Variants in ZNF275 observed in about 807,000 individuals in gnomAD.
ZNF275 encodes the protein zinc finger protein 275.
A neutral mutation model predicts 4.3 loss-of-function variants in ZNF275; 4 were observed. That is an observed-to-expected ratio of 0.93 (90% CI 0.46 to 2.13). The LOEUF (loss-of-function observed/expected upper bound fraction) is 2.13, where lower values mean the gene tolerates loss of function less well. Ranked by LOEUF, ZNF275 falls within the 30% of genes most tolerant of loss-of-function variation. The pLI is 0.02. For missense variants in ZNF275, 352 were observed against 397.1 expected (o/e 0.89, Z 0.97); for synonymous variants, 173 against 166.9 (o/e 1.04, Z -0.28).
intron 2 of ZNF275, among the ~76,000 whole-genome samples, chrX:153,342,492 T>A (rs1246886150): frequency 8.9e-6 from 1 of 112,056 alleles, no homozygotes; most frequent in East Asian, 2.8e-4. Flanking sequence ...AAAGATTATA[T>A]TATTGAGTGT....
At chrX:153,344,647 G>T (rs376137626) in intron 2 of ZNF275, 2 of 374,119 alleles carry the variant, frequency 5.3e-6, no homozygotes, top group African/African-American at 5.1e-5. Flanking sequence ...TGGAAAGACT[G>T]ATGAGCCCTG....
rs1402319422 is a variant in ZNF275 at position 153,348,297 on chromosome X, C to G, written c.*322C>G. The G allele has an allele frequency of 2.3e-5, 3 of 128,474 alleles. No individual in the cohort carries two copies. Among genetic ancestry groups the G allele is most frequent in the East Asian group, 2.7e-4 (1 of 3,639 alleles). The allele number at this position is 128,474 out of a possible 1,213,427, so 10.6% of individuals were successfully genotyped here. ...AGAGGTCATCAACTCCAAGCTCCCC[C>G]CGCCCCAGAGAAACACACAGAGCTG... On this transcript the variant is annotated 3_prime_UTR_variant, in exon 4 of 4. Coordinates refer to ENST00000650114, the MANE Select transcript of ZNF275 (RefSeq NM_001367757.1).
At chrX:153,336,827 CT>C in intron 2 of ZNF275, 117 bp downstream of exon 2, 1 of 749,648 alleles carries the variant, frequency 1.3e-6, no homozygotes, top group Non-Finnish European at 2.0e-6. Context: ...TCCGGAAGCA[CT>C]TATATTTTCA....
In ZNF275 at chrX:153,348,401, A is replaced by C. The variant is rs1397661646; in HGVS notation, c.*426A>C. The C allele has an allele frequency of 8.1e-6, 1 of 123,306 alleles. No individual in the cohort carries two copies. The highest frequency in any genetic ancestry group is 1.9e-5 in the Non-Finnish European group (1 of 53,377). 10.2% of individuals were successfully genotyped at this position (123,306 alleles called of 1,213,427 possible). On this transcript the variant is annotated 3_prime_UTR_variant, in exon 4 of 4. Coordinates refer to ENST00000650114, the MANE Select transcript of ZNF275 (RefSeq NM_001367757.1). ...CCCTCATGATTTTTGGCCTACTTGAATTTATAAATTTTTAGGGATGTAAAT... is the reference window on the plus strand; with the variant it reads ...CCCTCATGATTTTTGGCCTACTTGACTTTATAAATTTTTAGGGATGTAAAT...
intron 2 of ZNF275, chrX:153,343,478 C>A: frequency 3.0e-6 from 1 of 332,525 alleles, no homozygotes; most frequent in Admixed American, 3.2e-5. Context: ...AATCATTCAG[C>A]TCTTTTATTT....
chrX:153,340,095 G>A (rs1021553872), intron 2 of ZNF275, among the ~76,000 whole-genome samples: 2 of 112,307 alleles, frequency 1.8e-5, no homozygotes, highest in African/African-American at 3.2e-5. Context: ...ATCAGACATC[G>A]AATGTATACC....
chrX:153,339,512 T>C (rs782136355), intron 2 of ZNF275, among the ~76,000 whole-genome samples: 19 of 109,325 alleles, frequency 1.7e-4, no homozygotes, highest in African/African-American at 6.1e-4. Context: ...CTCTACAATT[T>C]TTTTTTTAAG....
At chrX:153,338,565 T>C (rs2088460301) in intron 2 of ZNF275, among the ~76,000 whole-genome samples, 1 of 110,927 alleles carries the variant, frequency 9.0e-6, no homozygotes, top group South Asian at 3.9e-4. Flanking sequence ...CAGTTAATCA[T>C]GCCAATTAAG....
intron 1 of ZNF275, among the ~76,000 whole-genome samples, chrX:153,334,989 G>T (rs1204029524): frequency 9.0e-5 from 10 of 111,166 alleles, no homozygotes; most frequent in African/African-American, 3.0e-4. Context: ...AAGGCCCTCT[G>T]TCTGAACCAG....
chrX:153,336,554 C>A, intron 1 of ZNF275, 80 bp from the exon 2 acceptor site: 1 of 679,792 alleles, frequency 1.5e-6, no homozygotes, highest in Non-Finnish European at 2.3e-6. Context: ...TTCAGTACAT[C>A]CCCCAAAATG....
At chrX:153,339,142 C>T (rs1556960843) in intron 2 of ZNF275, among the ~76,000 whole-genome samples, 1 of 110,787 alleles carries the variant, frequency 9.0e-6, no homozygotes, top group Non-Finnish European at 1.9e-5. Context: ...TTGATTCAGT[C>T]ACCCCGCAAT....
chrX:153,335,530 A>G, intron 1 of ZNF275: 1 of 106,246 alleles, frequency 9.4e-6, no homozygotes, highest in African/African-American at 3.4e-5. Context: ...ACTGGGTCAG[A>G]CACTGAGTTT....
chrX:153,343,445 GGAA>G (rs782430727), intron 2 of ZNF275: 18 of 348,651 alleles, frequency 5.2e-5, no homozygotes, highest in Non-Finnish European at 5.0e-5. Context: ...TTTGCAATTT[GGAA>G]GAAGAAGATA....
At position 153,347,663 on chromosome X, in the gene ZNF275, C is replaced by T. The variant is rs62642554; in HGVS notation, c.978C>T (p.Cys326=). The T allele has an allele frequency of 1.2e-3, 1,463 of 1,204,981 alleles. 14 individuals carry two copies. The African/African-American group carries it at 0.023, about 19-fold the overall frequency. The change falls in exon 4 of 4, where the codon TGC becomes TGT. Residue 326 remains cysteine (C), a synonymous_variant. Transcript: ENST00000650114. ...TGEKPYACGQ[C]GKAFRQSSSL... ...AGAAGCCCTACGCCTGCGGCCAGTG[C>T]GGCAAGGCCTTCCGCCAGAGCTCCA... is the stretch of plus-strand genomic sequence containing the variant.
intron 2 of ZNF275, among the ~76,000 whole-genome samples, chrX:153,341,617 A>G (rs1251657369): frequency 3.6e-5 from 4 of 111,998 alleles, no homozygotes; most frequent in African/African-American, 9.8e-5. Context: ...AGTATTTCCT[A>G]TAATAGAGAT....
chrX:153,347,212 G>A lies in ZNF275; in HGVS notation c.527G>A (p.Arg176Lys). 8.3e-7 allele frequency: 1 copy of A among 1,210,567 alleles called. No homozygotes were observed. Among genetic ancestry groups the A allele is most frequent in the Non-Finnish European group, 1.1e-6 (1 of 894,596 alleles). Residue 176 changes from arginine (R) to lysine (K), a missense_variant, in exon 4 of 4, where the codon AGG becomes AAG. Arg to Lys is a conservative substitution (Grantham distance 26). Coordinates refer to ENST00000650114, the MANE Select transcript of ZNF275 (RefSeq NM_001367757.1). ...GCGGAGAAGAGGGAGCAGATGGAGAGGGAGGCAAAGCCCTTCGAGTGCGAG... is the reference window on the plus strand; with the variant it reads ...GCGGAGAAGAGGGAGCAGATGGAGAAGGAGGCAAAGCCCTTCGAGTGCGAG... The part of the protein sequence containing the change: ...NAAEKREQME[R>K]EAKPFECEEC...
chrX:153,344,264 A>T (rs2088497536), intron 2 of ZNF275: 1 of 311,932 alleles, frequency 3.2e-6, no homozygotes, highest in Non-Finnish European at 6.2e-6. Flanking sequence ...CGCTCCCTGA[A>T]TCTGGCCTCA....
At chrX:153,345,956 C>T (rs1222402493) in intron 3 of ZNF275, among the ~76,000 whole-genome samples, 1 of 95,081 alleles carries the variant, frequency 1.1e-5, no homozygotes, top group African/African-American at 4.0e-5. Context: ...CTCTTGGGTT[C>T]GGGTTAGGGT....
intron 2 of ZNF275, among the ~76,000 whole-genome samples, chrX:153,342,294 T>C (rs1266924568): frequency 8.9e-6 from 1 of 112,206 alleles, no homozygotes; most frequent in Non-Finnish European, 1.9e-5. Flanking sequence ...TTATATCTTC[T>C]ATTTCTCTCA....
Sources: gnomAD v4.1 joint callset for allele counts (sites outside exome capture counted in the v4.1 genomes callset) on GRCh38, gnomAD v4.1.1 for gene constraint, MANE v1.5 for transcripts, NCBI Gene and HGNC (gene_info 2026-07-23, HGNC 2026-07-21) for gene names.